The following DOT1L variants were observed in gnomAD, a reference collection of about 807,000 sequenced individuals.
DOT1L encodes DOT1 like histone lysine methyltransferase, also known as histone-lysine N-methyltransferase, H3 lysine-79 specific.
A neutral mutation model predicts 153.3 loss-of-function variants in DOT1L; 33 were observed. The observed-to-expected ratio is 0.22, with a 90% CI of 0.16 to 0.29. The LOEUF (loss-of-function observed/expected upper bound fraction) is 0.29. Ranked by LOEUF, DOT1L falls within the 10% of genes least tolerant of loss-of-function variation. DOT1L has a pLI of 1.00. For synonymous variants in DOT1L, 1,135 were observed against 965.1 expected, an observed-to-expected ratio of 1.18 and a Z score of -3.26; for missense variants, 1,847 against 2,119.9, an observed-to-expected ratio of 0.87 and a Z score of 2.53.
At chr19:2,177,163 G>A (rs1428291539) in intron 1 of DOT1L, among the ~76,000 whole-genome samples, 1 of 152,224 alleles carries the variant, frequency 6.6e-6, no homozygotes, top group African/African-American at 2.4e-5. Context: ...CTGTCCTGAC[G>A]GCAGCCACTA....
In DOT1L at chr19:2,199,948, A is replaced by C; in HGVS notation, c.707+9A>C. The C allele has an allele frequency of 6.2e-7, 1 of 1,613,662 alleles. No individual in the cohort carries two copies. Among genetic ancestry groups the C allele is most frequent in the Non-Finnish European group, 8.5e-7 (1 of 1,179,722 alleles). On this transcript the variant is annotated intron_variant, in intron 8 of 27. Coordinates refer to ENST00000398665, the MANE Select transcript of DOT1L (RefSeq NM_032482.3). The stretch of plus-strand genomic sequence containing the variant: ...CGAATCGCCAACACGAGGTATGGCC[A>C]GCGTGGGGCATGCAGGGCATGTGGG...
Position 2,193,557 on chromosome 19 carries a change from T to C in DOT1L, c.494-132T>C, listed in dbSNP as rs1407959377. ...CTGAGTGACCTTGGAGCATCGGATA[T>C]GTGTGGAGACTGTGGCCTCCCCTGT... is the stretch of plus-strand genomic sequence containing the variant. On this transcript the variant is annotated intron_variant, in intron 5 of 27. Transcript: ENST00000398665. The surrounding 1 kb of genome is among the most constrained non-coding windows in gnomAD (Gnocchi z 5.9). The C allele has an allele frequency of 1.4e-6, 1 of 732,910 alleles. No homozygotes were observed. Among genetic ancestry groups the C allele is most frequent in the Non-Finnish European group, 2.3e-6 (1 of 438,060 alleles). 45.4% of individuals were successfully genotyped at this position (732,910 alleles called of 1,614,324 possible).
At position 2,222,389 on chromosome 19, in the gene DOT1L, G is replaced by T. The variant is rs765918671; in HGVS notation, c.3220G>T (p.Asp1074Tyr). 6.2e-7 allele frequency: 1 copy of T among 1,611,212 alleles called. No homozygotes were observed. The highest frequency in any genetic ancestry group is 1.1e-5 in the South Asian group (1 of 90,952). ...CCCCCTGACCGCCAGCGCCCGTGGG[G>T]ACTGTGTGCCGAGCCACGGGCAGGA... Reference protein sequence around the residue: ...HSPLTASARGDCVPSHGQDSR... With the variant: ...HSPLTASARGYCVPSHGQDSR... The change falls in exon 24 of 28, where the codon GAC becomes TAC. Residue 1074 changes from aspartate to tyrosine, a missense_variant. Coordinates refer to ENST00000398665, the MANE Select transcript of DOT1L (RefSeq NM_032482.3). The surrounding 1 kb of genome is among the most constrained non-coding windows in gnomAD (Gnocchi z 6.5).
chr19:2,168,946 C>T (rs2020026991), intron 1 of DOT1L, among the ~76,000 whole-genome samples: 1 of 152,108 alleles, frequency 6.6e-6, no homozygotes, highest in Non-Finnish European at 1.5e-5. Flanking sequence ...GATGGCCCTG[C>T]CCTTCTTCTA....
intron 27 of DOT1L, chr19:2,228,264 G>A (rs776970054): frequency 2.2e-6 from 3 of 1,360,138 alleles, no homozygotes; most frequent in Admixed American, 1.9e-5. Context: ...ACAGGCCAGC[G>A]CCACGGGGCC....
intron 2 of DOT1L, among the ~76,000 whole-genome samples, chr19:2,181,975 C>A (rs556823001): frequency 6.6e-6 from 1 of 152,058 alleles, no homozygotes; most frequent in South Asian, 2.1e-4. Context: ...ATAATCCCAG[C>A]GCTTTGGAAG....
intron 2 of DOT1L, among the ~76,000 whole-genome samples, chr19:2,181,810 A>G (rs2022253025): frequency 6.7e-6 from 1 of 149,026 alleles, no homozygotes; most frequent in Non-Finnish European, 1.5e-5. Flanking sequence ...CAGCTGCAGC[A>G]TGCTTCTGGC....
rs200494965 is a variant in DOT1L at position 2,207,691 on chromosome 19, C to G, written c.963+11C>G. On this transcript the variant is annotated intron_variant, in intron 11 of 27. Coordinates refer to ENST00000398665, the MANE Select transcript of DOT1L (RefSeq NM_032482.3). This position sits in a 1 kb window ranked among gnomAD's most constrained non-coding sequence, Gnocchi z 4.5. ...ATCGACCGCACCATAGTGAGTATCT[C>G]GCTGCGCCTCAGCCGCAGGGCCGTC... 2 of 1,604,674 alleles carry G rather than the reference C, an allele frequency of 1.2e-6. No homozygotes were observed. The highest frequency in any genetic ancestry group is 1.3e-5 in the African/African-American group (1 of 74,748).
At chr19:2,216,215 G>C in intron 19 of DOT1L, 66 bp from the exon 20 acceptor site, 1 of 1,503,702 alleles carries the variant, frequency 6.7e-7, no homozygotes, top group South Asian at 1.3e-5. Context: ...GTCCATCTGT[G>C]GCAGTCTTGG....
chr19:2,181,743 C>T (rs911618609), intron 2 of DOT1L, among the ~76,000 whole-genome samples: 139 of 152,040 alleles, frequency 9.1e-4, no homozygotes, highest in Non-Finnish European at 1.8e-3. Flanking sequence ...AGCTGGACCC[C>T]AGCCCAGCCC....
At position 2,194,566 on chromosome 19, in the gene DOT1L, G is replaced by C; in HGVS notation, c.640G>C (p.Ala214Pro). ...GATGAAATGGTATGGAAAAAAGCAT[G>C]CAGAATACACAGTGAGTGCCATCGC... ...KWMKWYGKKH[A>P]EYTLERGDFL... The change falls in exon 7 of 28, where the codon GCA becomes CCA. Residue 214 changes from alanine (A) to proline (P), a missense_variant. This residue lies in a region of DOT1L where 148 missense variants were observed against 422.3 expected (regional missense o/e 0.35). Transcript: ENST00000398665. 1 of 1,612,812 alleles carries C rather than the reference G, an allele frequency of 6.2e-7. No individual in the cohort carries two copies.
chr19:2,227,525 G>A, intron 27 of DOT1L: 1 of 538,048 alleles, frequency 1.9e-6, no homozygotes, highest in Middle Eastern at 4.5e-4. Flanking sequence ...CCGCCGGGGG[G>A]AGCGGCCTGG....
intron 1 of DOT1L, among the ~76,000 whole-genome samples, chr19:2,164,805 A>C (rs1247955383): frequency 1.3e-5 from 2 of 152,002 alleles, no homozygotes; most frequent in African/African-American, 4.8e-5. Flanking sequence ...GAAATGGGGA[A>C]TTTTTGTCCC....
At chr19:2,221,920 A>C (rs1330636095) in intron 23 of DOT1L, 56 bp from the exon 24 acceptor site, 5 of 1,500,882 alleles carry the variant, frequency 3.3e-6, no homozygotes, top group Non-Finnish European at 4.5e-6. Context: ...TCCCACAGCA[A>C]GGCTTTCTCT....
At chr19:2,227,762 C>A (rs780943613) in intron 27 of DOT1L, 3 of 1,319,782 alleles carry the variant, frequency 2.3e-6, no homozygotes, top group African/African-American at 3.0e-5. Context: ...CGGTGCCCTC[C>A]GCCTCTGCTC....
At position 2,222,566 on chromosome 19, in the gene DOT1L, A is replaced by G; in HGVS notation, c.3390+7A>G. 3 of 1,533,844 alleles carry G rather than the reference A, an allele frequency of 2.0e-6. No homozygotes were observed. Among genetic ancestry groups the G allele is most frequent in the Non-Finnish European group, 2.6e-6 (3 of 1,144,460 alleles). On this transcript the variant is annotated splice_region_variant and intron_variant, in intron 24 of 27. Transcript: ENST00000398665. This position sits in a 1 kb window ranked among gnomAD's most constrained non-coding sequence, Gnocchi z 6.5. ...CCTCAACCTCAACTCCATGGTAAGG[A>G]TGGGGACCGGCAGGGCTGGGGAGCG...
chr19:2,195,244 C>CT (rs1312987034), intron 7 of DOT1L, among the ~76,000 whole-genome samples: 1 of 152,044 alleles, frequency 6.6e-6, no homozygotes, highest in Non-Finnish European at 1.5e-5. Context: ...GCCACCACTC[C>CT]TGCATCCTCC....
At chr19:2,188,883 T>G (rs1044746827) in intron 3 of DOT1L, among the ~76,000 whole-genome samples, 11 of 152,198 alleles carry the variant, frequency 7.2e-5, no homozygotes, top group Non-Finnish European at 1.5e-4. Context: ...CAGGCCTGGC[T>G]GGGCCGCGTG....
At position 2,190,836 on chromosome 19, in the gene DOT1L, G is replaced by A. The variant is rs1459576392; in HGVS notation, c.265-176G>A. On this transcript the variant is annotated intron_variant, in intron 4 of 27. Transcript: ENST00000398665. The surrounding 1 kb of genome is among the most constrained non-coding windows in gnomAD (Gnocchi z 4.8). ...CCCTGGGGATGCTGCTTTACTGCTT[G>A]TAGGAAATGGGGCTGGGTTGGAAAC... Among the ~76,000 whole-genome samples the A allele has an allele frequency of 6.6e-6, 1 of 151,938 alleles. No homozygotes were observed. The highest frequency in any genetic ancestry group is 2.4e-5 in the African/African-American group (1 of 41,350).
Sources: gnomAD v4.1 joint callset for allele counts (sites outside exome capture counted in the v4.1 genomes callset) on GRCh38, gnomAD v4.1.1 for gene constraint, gnomAD v4.1.1 regional missense constraint, Gnocchi (gnomAD v3.1) non-coding constraint, MANE v1.5 for transcripts, NCBI Gene and HGNC (gene_info 2026-07-23, HGNC 2026-07-21) for gene names.